Variants in RGS5 observed in about 807,000 individuals in gnomAD.
The protein encoded by RGS5 is regulator of G protein signaling 5.
Under a neutral mutation model 18.9 loss-of-function variants are expected in RGS5, and 20 were observed. The ratio of observed to expected loss-of-function variants is 1.06; its 90% CI spans 0.74 to 1.54. RGS5 has a LOEUF of 1.54. RGS5 is among the 40% of genes most tolerant of loss of function. The pLI, the probability that RGS5 is intolerant of heterozygous loss-of-function variation, is 0.00. For synonymous variants in RGS5, 57 were observed against 76.2 expected (o/e 0.75, Z 1.31); for missense variants, 201 against 211.8 (o/e 0.95, Z 0.32).
Position 163,145,099 on chromosome 1 carries a change from T to C in RGS5, c.*2243A>G, listed in dbSNP as rs1157148978. On this transcript the variant is annotated 3_prime_UTR_variant, in exon 5 of 5. Coordinates refer to ENST00000313961, the MANE Select transcript of RGS5 (RefSeq NM_003617.4). ...TCTCATGGGACCCTGTCCTGCCCTG[T>C]AGGTAAAAGCCCTTCTTATTTTCCG... The C allele has an allele frequency of 6.6e-6, 1 of 152,184 alleles. No individual in the cohort carries two copies. The highest frequency in any genetic ancestry group is 6.6e-5 in the Admixed American group (1 of 15,260). The allele number at this position is 152,184 out of a possible 1,614,324, so 9.4% of individuals were successfully genotyped here.
rs1247757932 is a variant in RGS5 at position 163,310,272 on chromosome 1, CT to C, written c.-377-3944del. On this transcript the variant is annotated intron_variant, in intron 1 of 5. Transcript: ENST00000618415. The stretch of plus-strand genomic sequence containing the variant: ...TTGAAGCTTTGCAGCCAGGCAATGA[CT>C]TCTCTTCTCTAGCTATGAAAGTCCT... Among the ~76,000 whole-genome samples, 8 of 152,286 alleles carry C rather than the reference CT, an allele frequency of 5.3e-5. No homozygotes were observed. The East Asian group carries it at 1.5e-3, about 29-fold the overall frequency.
intron 1 of RGS5, among the ~76,000 whole-genome samples, chr1:163,208,347 CAAA>C (rs55848330): frequency 2.6e-5 from 1 of 37,902 alleles, no homozygotes; most frequent in Non-Finnish European, 5.7e-5. Flanking sequence ...GACTCCGTCT[CAAA>C]AAAAAAAAAA....
intron 1 of RGS5, among the ~76,000 whole-genome samples, chr1:163,309,073 GGT>G (rs35469269): frequency 0.35 from 52,282 of 151,232 alleles, 9,551 homozygotes; most frequent in Non-Finnish European, 0.42. Flanking sequence ...TGATAGGCTG[GGT>G]GTAGTGGTTC....
intron 2 of RGS5, among the ~76,000 whole-genome samples, chr1:163,278,107 C>T (rs1571336420): frequency 6.6e-6 from 1 of 151,726 alleles, no homozygotes; most frequent in Admixed American, 6.6e-5. Flanking sequence ...AATAAAATAA[C>T]AGTAGAAAAC....
At chr1:163,195,006 C>G (rs1299048572) in intron 1 of RGS5, among the ~76,000 whole-genome samples, 4 of 152,114 alleles carry the variant, frequency 2.6e-5, no homozygotes, top group African/African-American at 7.2e-5. Flanking sequence ...TAAATTAGTA[C>G]AACCTCTATG....
intron 1 of RGS5, among the ~76,000 whole-genome samples, chr1:163,308,967 C>T (rs1399458590): frequency 6.6e-6 from 1 of 152,152 alleles, no homozygotes; most frequent in Admixed American, 6.5e-5. Flanking sequence ...CTAAAAAATG[C>T]TAATGCTCAT....
At chr1:163,224,351 T>C (rs1181259621) in intron 2 of RGS5, among the ~76,000 whole-genome samples, 1 of 152,252 alleles carries the variant, frequency 6.6e-6, no homozygotes, top group African/African-American at 2.4e-5. Context: ...ATGTCCTCTA[T>C]GTTCATCCAT....
At chr1:163,195,097 A>C (rs1472123294) in intron 1 of RGS5, among the ~76,000 whole-genome samples, 1 of 152,154 alleles carries the variant, frequency 6.6e-6, no homozygotes, top group African/African-American at 2.4e-5. Context: ...TGTCTGCCCA[A>C]AGGAAAAGAA....
upstream of RGS5, among the ~76,000 whole-genome samples, chr1:163,219,167 G>A (rs558210579): frequency 1.3e-5 from 2 of 152,160 alleles, no homozygotes; most frequent in Admixed American, 6.5e-5. Context: ...AGAGCTCTAC[G>A]GATTTTCACA....
chr1:163,292,800 G>A (rs6661248), intron 2 of RGS5, among the ~76,000 whole-genome samples: 10,287 of 152,112 alleles, frequency 0.068, 364 homozygotes, highest in South Asian at 0.095. Context: ...TGTGTTTGTT[G>A]GCTGCATGTA....
At chr1:163,277,090 T>C (rs990465011) in intron 2 of RGS5, among the ~76,000 whole-genome samples, 1 of 152,176 alleles carries the variant, frequency 6.6e-6, no homozygotes. Flanking sequence ...GCATGATAAA[T>C]TTTGGTCTCC....
At chr1:163,295,381 C>G (rs1423958789) in intron 2 of RGS5, among the ~76,000 whole-genome samples, 1 of 152,182 alleles carries the variant, frequency 6.6e-6, no homozygotes, top group Non-Finnish European at 1.5e-5. Flanking sequence ...AACTATTAAC[C>G]TTTTCCTTTT....
At chr1:163,240,526 T>A (rs12731980) in intron 2 of RGS5, among the ~76,000 whole-genome samples, 22,227 of 151,488 alleles carry the variant, frequency 0.15, 1,950 homozygotes, top group Non-Finnish European at 0.19. Context: ...GGAAAAAAAA[T>A]TTTTTAAGAG....
In RGS5 at chr1:163,294,800, C is replaced by T. The variant is rs1450678742; in HGVS notation, c.-281+11433G>A. On this transcript the variant is annotated intron_variant, in intron 2 of 5. Coordinates refer to the RGS5 transcript ENST00000618415. Reference sequence around the variant, plus strand: ...ATCTCTTTGTGAGCACATGTAACTGCACACTTTCAGAAAAAAACGGGTCAC... The same window carrying T: ...ATCTCTTTGTGAGCACATGTAACTGTACACTTTCAGAAAAAAACGGGTCAC... Among the ~76,000 whole-genome samples, 4 of 152,140 alleles carry T rather than the reference C, an allele frequency of 2.6e-5. No individual in the cohort carries two copies. The East Asian group carries it at 5.8e-4, about 22-fold the overall frequency.
intron 1 of RGS5, among the ~76,000 whole-genome samples, chr1:163,312,004 T>C (rs928833287): frequency 2.6e-5 from 4 of 152,222 alleles, no homozygotes; most frequent in Admixed American, 2.6e-4. Flanking sequence ...ATATAATTGA[T>C]ATGGTTTGGC....
chr1:163,156,308 A>G (rs969615261), intron 3 of RGS5, among the ~76,000 whole-genome samples: 1 of 152,246 alleles, frequency 6.6e-6, no homozygotes, highest in Non-Finnish European at 1.5e-5. Flanking sequence ...TAAAATTCTT[A>G]CATGGTACCT....
chr1:163,184,315 A>ACTTT (rs1213105184), intron 1 of RGS5, among the ~76,000 whole-genome samples: 1 of 152,008 alleles, frequency 6.6e-6, no homozygotes, highest in East Asian at 1.9e-4. Flanking sequence ...GTTATAAAAC[A>ACTTT]CACCACCAAG....
intron 1 of RGS5, 61 bp downstream of exon 1, chr1:163,202,731 C>T: frequency 6.6e-7 from 1 of 1,516,858 alleles, no homozygotes; most frequent in South Asian, 1.1e-5. Context: ...ACTGGGCAGC[C>T]TCCCTTGAGT....
chr1:163,244,392 A>G (rs897426070), intron 2 of RGS5: 3 of 152,218 alleles, frequency 2.0e-5, no homozygotes, highest in African/African-American at 7.2e-5. Context: ...CTGCTCAGGA[A>G]TGATCTCCAA....
Sources: allele counts gnomAD v4.1 joint callset (sites outside exome capture counted in the v4.1 genomes callset), GRCh38; gene constraint gnomAD v4.1.1; transcripts MANE v1.5; gene names NCBI Gene and HGNC (gene_info 2026-07-23, HGNC 2026-07-21).